EHMT2: variants seen among roughly 807,000 people sequenced by gnomAD.
EHMT2 encodes the protein histone-lysine N-methyltransferase EHMT2.
In EHMT2, 59 loss-of-function variants were observed where a neutral mutation model predicts 143.3. That is an observed-to-expected ratio of 0.41 (90% CI 0.33 to 0.51). The LOEUF is 0.51. Ranked by LOEUF, EHMT2 falls within the 20% of genes least tolerant of loss-of-function variation. The pLI is 0.18. For synonymous variants in EHMT2, 604 were observed against 651.5 expected, an observed-to-expected ratio of 0.93 and a Z score of 1.11; for missense variants, 1,174 against 1,645.9, an observed-to-expected ratio of 0.71 and a Z score of 4.96.
chr6:31,890,086 T>C (rs1205163050), intron 7 of EHMT2, among the ~76,000 whole-genome samples: 1 of 152,162 alleles, frequency 6.6e-6, no homozygotes, highest in African/African-American at 2.4e-5. Context: ...TTGCACCCAC[T>C]GTCAAGTCTT....
rs1764323139 is a variant in EHMT2, at chr6:31,883,074, C to A, written c.2995-65G>T. Reference sequence around the variant, plus strand: ...CCCACCTCAGCTGCCCACCCAGGAACCCCAAGACTCTACAGAGACAGGGAA... The same window carrying A: ...CCCACCTCAGCTGCCCACCCAGGAAACCCAAGACTCTACAGAGACAGGGAA... On this transcript the variant is annotated intron_variant, in intron 23 of 27. Transcript: ENST00000375537. The surrounding 1 kb of genome is among the most constrained non-coding windows in gnomAD (Gnocchi z 5.6). 3.5e-6 allele frequency: 5 copies of A among 1,421,292 alleles called. No homozygotes were observed. Among genetic ancestry groups the A allele is most frequent in the Non-Finnish European group, 4.9e-6 (5 of 1,017,862 alleles). The allele number at this position is 1,421,292 out of a possible 1,614,324, so 88.0% of individuals were successfully genotyped here.
At position 31,896,803 on chromosome 6, in the gene EHMT2, G is replaced by A. The variant is rs931200770; in HGVS notation, c.131C>T (p.Thr44Ile). ...GGGCAGGGTTTCTTCACTACGAGGG[G>A]TGTCCCCCAAAGAGCCATGAACTGT... Residue 44 changes from threonine (T) to isoleucine (I), a missense_variant, in exon 3 of 28, where the codon ACC becomes ATC. By Grantham distance (89) the Thr-to-Ile change is moderately conservative. Around this residue, in one of 6 missense-constraint regions of EHMT2, gnomAD observed 399 missense variants for 404.4 expected, o/e 0.99. Coordinates refer to ENST00000375537, the Ensembl canonical transcript of EHMT2. 2.5e-6 allele frequency: 4 copies of A among 1,612,932 alleles called. No individual in the cohort carries two copies. The African/African-American group carries it at 5.3e-5, about 22-fold the overall frequency.
At position 31,889,171 on chromosome 6, in the gene EHMT2, A is replaced by G. The variant is rs1765332883; in HGVS notation, c.1114+57T>C. 3 of 1,558,382 alleles carry G rather than the reference A, an allele frequency of 1.9e-6. No individual in the cohort carries two copies. Among genetic ancestry groups the G allele is most frequent in the Non-Finnish European group, 2.6e-6 (3 of 1,148,580 alleles). ...CGAGAGCGTGTGTGTGCGTGCACAC[A>G]CTCTGGGGGGCCGGGCGGGGGCTGG... On this transcript the variant is annotated intron_variant, in intron 9 of 27. Coordinates refer to ENST00000375537, the Ensembl canonical transcript of EHMT2. This position sits in a 1 kb window ranked among gnomAD's most constrained non-coding sequence, Gnocchi z 5.1.
rs1309562311 is a variant in EHMT2 at position 31,883,958 on chromosome 6, A to G, written c.2772-8T>C. 2 of 1,612,870 alleles carry G rather than the reference A, an allele frequency of 1.2e-6. No homozygotes were observed. Among genetic ancestry groups the G allele is most frequent in the East Asian group, 4.5e-5 (2 of 44,822 alleles). ...TAGCCCCGAGCCACGTCCCTGCAGAAGACGGGAAGAAGGGGCTGGGAAGCT... is the reference window on the plus strand; with the variant it reads ...TAGCCCCGAGCCACGTCCCTGCAGAGGACGGGAAGAAGGGGCTGGGAAGCT... On this transcript the variant is annotated splice_region_variant and splice_polypyrimidine_tract_variant and intron_variant, in intron 21 of 27. Transcript: ENST00000375537. This position sits in a 1 kb window ranked among gnomAD's most constrained non-coding sequence, Gnocchi z 5.6.
In EHMT2 at chr6:31,883,936, C is replaced by T. The variant is rs1764453176; in HGVS notation, c.2786G>A (p.Gly929Asp). 1 of 1,613,700 alleles carries T rather than the reference C, an allele frequency of 6.2e-7. No individual in the cohort carries two copies. Among genetic ancestry groups the T allele is most frequent in the South Asian group, 1.1e-5 (1 of 91,064 alleles). Residue 929 changes from glycine to aspartate, a missense_variant, in exon 22 of 28, where the codon GGC becomes GAC. By Grantham distance (94) the Gly-to-Asp change is moderately conservative (BLOSUM62 -1). Transcript: ENST00000375537. This position sits in a 1 kb window ranked among gnomAD's most constrained non-coding sequence, Gnocchi z 5.6. ...ACAGGGAATGGGCACGTTCTCATAG[C>T]CCCGAGCCACGTCCCTGCAGAAGAC...
chr6:31,890,940 A>C (rs1581936507), intron 7 of EHMT2, among the ~76,000 whole-genome samples: 1 of 151,776 alleles, frequency 6.6e-6, no homozygotes, highest in East Asian at 1.9e-4. Flanking sequence ...CCTAAGACAA[A>C]AAAAAATTTT....
intron 4 of EHMT2, chr6:31,895,727 C>T (rs1036004080): frequency 2.6e-5 from 4 of 152,952 alleles, no homozygotes; most frequent in Non-Finnish European, 5.8e-5. Context: ...TAAAGGCTGT[C>T]CTCAAAACCT....
Position 31,889,237 on chromosome 6 carries a change from C to G in EHMT2, c.1105G>C (p.Glu369Gln), listed in dbSNP as rs768793125. The G allele has an allele frequency of 6.2e-7, 1 of 1,607,638 alleles. No homozygotes were observed. Among genetic ancestry groups the G allele is most frequent in the Non-Finnish European group, 8.5e-7 (1 of 1,178,008 alleles). The stretch of plus-strand genomic sequence containing the variant: ...AGCAGAGCCTCCTCACCTCGTGGCT[C>G]CTTGGCCCGCGGAGGCTCCCGCTTG... Residue 369 changes from glutamate (E) to glutamine (Q), a missense_variant, in exon 9 of 28, where the codon GAG (glutamate) becomes CAG (glutamine). Around this residue, in one of 6 missense-constraint regions of EHMT2, gnomAD observed 608 missense variants for 903.7 expected, o/e 0.67. Coordinates refer to ENST00000375537, the Ensembl canonical transcript of EHMT2. This position sits in a 1 kb window ranked among gnomAD's most constrained non-coding sequence, Gnocchi z 5.1.
exon 2 of EHMT2, chr6:31,896,972 C>A: frequency 6.3e-7 from 1 of 1,582,576 alleles, no homozygotes; most frequent in Non-Finnish European, 8.6e-7. Context: ...GCGCCCCCAT[C>A]TCAGCGGGGG....
Position 31,880,759 on chromosome 6 carries a change from G to C in EHMT2, c.3366C>G (p.Val1122=). Residue 1122 remains valine (V), a synonymous_variant, in exon 27 of 28, where the codon GTC becomes GTG. Transcript: ENST00000375537. The surrounding 1 kb of genome is among the most constrained non-coding windows in gnomAD (Gnocchi z 6.6). ...GGTCTTGGTGCAGCATGAAGACCCG[G>C]ACGGGAATGATGTTGGGGTCACACA... 6.2e-7 allele frequency: 1 copy of C among 1,613,990 alleles called. No individual in the cohort carries two copies. Among genetic ancestry groups the C allele is most frequent in the East Asian group, 2.2e-5 (1 of 44,884 alleles).
chr6:31,897,614 C>T, intron 1 of EHMT2, 22 bp downstream of exon 1: 1 of 1,145,264 alleles, frequency 8.7e-7, no homozygotes, highest in Non-Finnish European at 1.1e-6. Context: ...ATGCACCCGC[C>T]TCTCCCCCTC....
chr6:31,883,584 G>A lies in EHMT2; in HGVS notation c.2917-145C>T. 1.0e-6 allele frequency: 1 copy of A among 1,000,844 alleles called. No homozygotes were observed. Among genetic ancestry groups the A allele is most frequent in the Non-Finnish European group, 1.5e-6 (1 of 660,260 alleles). The allele number at this position is 1,000,844 out of a possible 1,614,324, so 62.0% of individuals were successfully genotyped here. ...GGTGGTGATGGTCCTAGGGTGACGG[G>A]TAATCAGTATGGTGGTGTCCCCAGG... On this transcript the variant is annotated intron_variant, in intron 22 of 27. Transcript: ENST00000375537. This position sits in a 1 kb window ranked among gnomAD's most constrained non-coding sequence, Gnocchi z 5.6.
chr6:31,888,499 C>T lies in EHMT2; in HGVS notation c.1373G>A (p.Gly458Asp). The change falls in exon 12 of 28, where the codon GGC (glycine) becomes GAC (aspartate). Residue 458 changes from glycine (G) to aspartate (D), a missense_variant. Physicochemically the swap from Gly to Asp is moderately conservative, Grantham distance 94. Transcript: ENST00000375537. This position sits in a 1 kb window ranked among gnomAD's most constrained non-coding sequence, Gnocchi z 7.4. ...CCGCTTGAGGATGGCGGCATTGCAG[C>T]CTGACAGCTGTGCGCAGTGAGGATG... The T allele has an allele frequency of 1.2e-6, 2 of 1,612,408 alleles. No homozygotes were observed. Among genetic ancestry groups the T allele is most frequent in the Middle Eastern group, 1.7e-4 (1 of 6,054 alleles).
chr6:31,892,332 G>A, intron 7 of EHMT2, 75 bp downstream of exon 7: 2 of 1,522,144 alleles, frequency 1.3e-6, no homozygotes, highest in Non-Finnish European at 1.8e-6. Context: ...GAAAAACAGG[G>A]AACAAGGAGG....
In EHMT2 at chr6:31,889,472, T is replaced by G; in HGVS notation, c.995A>C (p.Asp332Ala). ...ATATCAGCCTCCGTCTCTTACCCTA[T>G]CTGACTGATTCCCTGACTCCTCATC... Residue 332 changes from aspartate to alanine, a missense_variant, in exon 8 of 28, where the codon GAT becomes GCT. Asp to Ala is a moderately radical substitution (Grantham distance 126). This residue lies in a region of EHMT2 where 608 missense variants were observed against 903.7 expected (regional missense o/e 0.67). Coordinates refer to ENST00000375537, the Ensembl canonical transcript of EHMT2. This position sits in a 1 kb window ranked among gnomAD's most constrained non-coding sequence, Gnocchi z 5.1. The G allele has an allele frequency of 6.2e-7, 1 of 1,612,918 alleles. No homozygotes were observed. Among genetic ancestry groups the G allele is most frequent in the Non-Finnish European group, 8.5e-7 (1 of 1,179,980 alleles).
chr6:31,889,177 G>T lies in EHMT2; in HGVS notation c.1114+51C>A. 6.4e-7 allele frequency: 1 copy of T among 1,562,852 alleles called. No homozygotes were observed. On this transcript the variant is annotated intron_variant, in intron 9 of 27. Transcript: ENST00000375537. The surrounding 1 kb of genome is among the most constrained non-coding windows in gnomAD (Gnocchi z 5.1). ...CGTGTGTGTGCGTGCACACACTCTG[G>T]GGGGCCGGGCGGGGGCTGGAGGGCA...
intron 13 of EHMT2, 24 bp from the exon 14 acceptor site, chr6:31,887,985 C>T (rs1373497115): frequency 6.3e-7 from 1 of 1,576,348 alleles, no homozygotes; most frequent in East Asian, 2.3e-5. Context: ...AGCTCATGTC[C>T]AGGAGCAATA....
chr6:31,896,436 C>A lies in EHMT2; in HGVS notation c.409G>T (p.Ala137Ser), dbSNP rs752037573. The change falls in exon 4 of 28, where the codon GCG becomes TCG. Residue 137 changes from alanine (A) to serine (S), a missense_variant. Physicochemically the swap from Ala to Ser is moderately conservative, Grantham distance 99 (BLOSUM62 1). Transcript: ENST00000375537. ...TGGACAGATGGAGGTGATTTTCCCG[C>A]CCCTGTCATTGACATCTTGGCCCGG... The A allele has an allele frequency of 1.2e-6, 2 of 1,613,066 alleles. No individual in the cohort carries two copies. Among genetic ancestry groups the A allele is most frequent in the African/African-American group, 1.3e-5 (1 of 75,038 alleles).
At chr6:31,896,741 A>T in exon 3 of EHMT2, 1 of 1,612,906 alleles carries the variant, frequency 6.2e-7, no homozygotes, top group Non-Finnish European at 8.5e-7. Context: ...GCTGGAGATG[A>T]GGGGCCAGCA....
Sources: allele counts gnomAD v4.1 joint callset (sites outside exome capture counted in the v4.1 genomes callset), GRCh38; gene constraint gnomAD v4.1.1; regional missense constraint gnomAD v4.1.1; non-coding constraint Gnocchi (gnomAD v3.1); transcripts MANE v1.5; gene names NCBI Gene and HGNC (gene_info 2026-07-23, HGNC 2026-07-21).